Variants in ATP8A2 observed in about 807,000 individuals in gnomAD.
The protein encoded by ATP8A2 is ATPase phospholipid transporting 8A2.
A neutral mutation model predicts 165.6 loss-of-function variants in ATP8A2; 100 were observed. That is an observed-to-expected ratio of 0.60 (90% CI 0.51 to 0.71). The LOEUF is 0.71. Among genes scored for constraint, ATP8A2 ranks in the 30% least tolerant of loss-of-function variants. ATP8A2 has a pLI of 0.00. For synonymous variants in ATP8A2, 543 were observed against 548.8 expected (o/e 0.99, Z 0.15); for missense variants, 1,227 against 1,479.5 (o/e 0.83, Z 2.80).
At chr13:25,670,779 GCA>G (rs916245746) in intron 24 of ATP8A2, among the ~76,000 whole-genome samples, 4 of 152,134 alleles carry the variant, frequency 2.6e-5, no homozygotes, top group East Asian at 1.9e-4. Flanking sequence ...GTGCTCATTT[GCA>G]CAGTTTAGTC....
At chr13:25,611,968 G>C (rs2040699582) in intron 24 of ATP8A2, among the ~76,000 whole-genome samples, 1 of 151,912 alleles carries the variant, frequency 6.6e-6, no homozygotes, top group African/African-American at 2.4e-5. Context: ...TATTTCTGTG[G>C]TATCAGTTGT....
chr13:25,469,309 A>T (rs529202709), intron 2 of ATP8A2, among the ~76,000 whole-genome samples, 188 bp downstream of exon 2: 29 of 151,840 alleles, frequency 1.9e-4, no homozygotes, highest in Non-Finnish European at 4.1e-4. Context: ...GGTCATGCGA[A>T]TGCAGCCCTC....
chr13:25,842,552 A>T (rs1267804361), intron 30 of ATP8A2, among the ~76,000 whole-genome samples: 1 of 152,038 alleles, frequency 6.6e-6, no homozygotes, highest in Non-Finnish European at 1.5e-5. Flanking sequence ...GGCACCTATA[A>T]TCCCAGCTAC....
chr13:25,969,171 G>A (rs80298701), intron 35 of ATP8A2, among the ~76,000 whole-genome samples: 161 of 152,294 alleles, frequency 1.1e-3, no homozygotes, highest in Non-Finnish European at 2.0e-3. Context: ...ATTTTCTGCT[G>A]GGAGTGAAAG....
chr13:25,849,825 A>G (rs1190224798), intron 30 of ATP8A2, among the ~76,000 whole-genome samples: 3 of 152,146 alleles, frequency 2.0e-5, no homozygotes, highest in Non-Finnish European at 4.4e-5. Flanking sequence ...ATAACACTGA[A>G]TTGTCTCTAA....
In ATP8A2 at chr13:25,419,877, C is replaced by T. The variant is rs2034248774; in HGVS notation, c.76+47589C>T. Among the ~76,000 whole-genome samples the T allele has an allele frequency of 1.3e-5, 2 of 151,566 alleles. 1 individual carries two copies. Among genetic ancestry groups the T allele is most frequent in the South Asian group, 4.2e-4 (2 of 4,760 alleles). ...AAGAGTGCTCTGCAAAGAACCCTGG[C>T]CCTTAATTTATATTTTCTGACAATG... On this transcript the variant is annotated intron_variant, in intron 1 of 36. Coordinates refer to ENST00000381655, the MANE Select transcript of ATP8A2 (RefSeq NM_016529.6).
chr13:25,451,449 A>G (rs1418679888), intron 1 of ATP8A2, among the ~76,000 whole-genome samples: 1 of 152,088 alleles, frequency 6.6e-6, no homozygotes, highest in Non-Finnish European at 1.5e-5. Context: ...ATCAGAAAAT[A>G]GTTGTTTCCT....
At chr13:25,734,795 C>T (rs2043731378) in intron 25 of ATP8A2, among the ~76,000 whole-genome samples, 1 of 152,154 alleles carries the variant, frequency 6.6e-6, no homozygotes, top group Non-Finnish European at 1.5e-5. Context: ...CACATCACCA[C>T]ACCTGGCTAA....
intron 14 of ATP8A2, among the ~76,000 whole-genome samples, chr13:25,559,299 G>A (rs1310200017): frequency 5.9e-5 from 9 of 152,128 alleles, no homozygotes; most frequent in African/African-American, 1.9e-4. Flanking sequence ...TTGGGAGGCC[G>A]AGGCAGGTGG....
In ATP8A2 at chr13:25,922,134, A is replaced by G. The variant is rs115773300; in HGVS notation, c.3184-39441A>G. Among the ~76,000 whole-genome samples the G allele has an allele frequency of 8.3e-3, 1,267 of 152,332 alleles. 14 individuals carry two copies. The highest frequency in any genetic ancestry group is 0.028 in the African/African-American group (1,150 of 41,576). On this transcript the variant is annotated intron_variant, in intron 33 of 36. Coordinates refer to ENST00000381655, the MANE Select transcript of ATP8A2 (RefSeq NM_016529.6). The stretch of plus-strand genomic sequence containing the variant: ...GACGTGGAATTGTACCACATCATCA[A>G]TAAAAGTTCTCCTTACCCTAAAATT...
At chr13:25,866,447 A>G (rs1282566158) in intron 33 of ATP8A2, among the ~76,000 whole-genome samples, 1 of 152,162 alleles carries the variant, frequency 6.6e-6, no homozygotes, top group Non-Finnish European at 1.5e-5. Context: ...TATTGCTGTG[A>G]TTTGAACTCC....
chr13:25,577,646 C>A lies in ATP8A2; in HGVS notation c.1782+508C>A, dbSNP rs532524154. On this transcript the variant is annotated intron_variant, in intron 20 of 36. Transcript: ENST00000381655. Reference sequence around the variant, plus strand: ...CTTTTAGTCAGTTTCCTAGGTCAGGCTTTTTGTCCTGTATACCTTCTAGTA... The same window carrying A: ...CTTTTAGTCAGTTTCCTAGGTCAGGATTTTTGTCCTGTATACCTTCTAGTA... Among the ~76,000 whole-genome samples the A allele has an allele frequency of 2.6e-5, 4 of 152,152 alleles. No homozygotes were observed. The South Asian group carries it at 8.3e-4, about 32-fold the overall frequency.
At chr13:25,631,767 C>T (rs1393980385) in intron 24 of ATP8A2, among the ~76,000 whole-genome samples, 1 of 152,108 alleles carries the variant, frequency 6.6e-6, no homozygotes, top group Admixed American at 6.6e-5. Flanking sequence ...ATGATGCCCT[C>T]CACTTCTTGC....
chr13:25,638,156 A>G (rs1233152141), intron 24 of ATP8A2, among the ~76,000 whole-genome samples: 2 of 152,230 alleles, frequency 1.3e-5, no homozygotes, highest in African/African-American at 4.8e-5. Flanking sequence ...AAAGATGGGG[A>G]AAAAACAGAG....
chr13:25,652,461 T>G (rs2041835590), intron 24 of ATP8A2, among the ~76,000 whole-genome samples: 1 of 152,226 alleles, frequency 6.6e-6, no homozygotes, highest in African/African-American at 2.4e-5. Context: ...TTTTAATGTT[T>G]ATTAATGCTA....
At chr13:25,669,113 AT>A (rs143949643) in intron 24 of ATP8A2, among the ~76,000 whole-genome samples, 1,619 of 149,802 alleles carry the variant, frequency 0.011, 31 homozygotes, top group African/African-American at 0.037. Flanking sequence ...ATGCCTTGTA[AT>A]TTTTTTTTTG....
At chr13:25,896,311 A>G (rs532109094) in intron 33 of ATP8A2, among the ~76,000 whole-genome samples, 4 of 152,304 alleles carry the variant, frequency 2.6e-5, no homozygotes, top group Non-Finnish European at 4.4e-5. Context: ...ATTCAGGAGC[A>G]GGTTGTTCAG....
At chr13:25,421,020 G>A (rs1288093384) in intron 1 of ATP8A2, among the ~76,000 whole-genome samples, 1 of 152,148 alleles carries the variant, frequency 6.6e-6, no homozygotes, top group African/African-American at 2.4e-5. Context: ...TTTGATTGAG[G>A]TTCTAAGACT....
At chr13:25,575,110 G>T (rs2039579636) in intron 19 of ATP8A2, among the ~76,000 whole-genome samples, 1 of 152,114 alleles carries the variant, frequency 6.6e-6, no homozygotes, top group Non-Finnish European at 1.5e-5. Flanking sequence ...TAGATTTCCA[G>T]AGCCTGATGT....
Sources: allele counts gnomAD v4.1 joint callset (sites outside exome capture counted in the v4.1 genomes callset), GRCh38; gene constraint gnomAD v4.1.1; transcripts MANE v1.5; gene names NCBI Gene and HGNC (gene_info 2026-07-23, HGNC 2026-07-21).